The following RGS9 variants were observed in gnomAD, a reference collection of about 807,000 sequenced individuals.
The protein encoded by RGS9 is regulator of G protein signaling 9.
RGS9 carries 78 observed loss-of-function variants against 102.0 expected under a neutral mutation model. That is an observed-to-expected ratio of 0.76 (90% CI 0.64 to 0.92). RGS9 has a LOEUF of 0.92. RGS9 is among the 40% of genes least tolerant of loss of function. RGS9 has a pLI of 0.00. For synonymous variants in RGS9, 353 were observed against 318.6 expected (o/e 1.11, Z -1.15); for missense variants, 833 against 866.1 (o/e 0.96, Z 0.48).
intron 8 of RGS9, among the ~76,000 whole-genome samples, chr17:65,175,747 G>A (rs772493955): frequency 6.6e-6 from 1 of 152,094 alleles, no homozygotes; most frequent in African/African-American, 2.4e-5. Context: ...TCTCTTCCCT[G>A]TGTCGTCTTG....
At position 65,152,080 on chromosome 17, in the gene RGS9, G is replaced by A. The variant is rs184541246; in HGVS notation, c.58-1342G>A. Among the ~76,000 whole-genome samples the A allele has an allele frequency of 3.9e-5, 6 of 152,324 alleles. No individual in the cohort carries two copies. In the East Asian group the frequency reaches 1.2e-3, roughly 29 times the overall value. On this transcript the variant is annotated intron_variant, in intron 1 of 18. Coordinates refer to ENST00000262406, the MANE Select transcript of RGS9 (RefSeq NM_003835.4). The stretch of plus-strand genomic sequence containing the variant: ...CACATGCTCTTGAGAAACGGAGCAG[G>A]GCGTCAGGAGTGCCAAGGGTGGAGT...
At chr17:65,180,638 C>T (rs971566579) in intron 9 of RGS9, among the ~76,000 whole-genome samples, 9 of 152,244 alleles carry the variant, frequency 5.9e-5, no homozygotes, top group African/African-American at 2.2e-4. Flanking sequence ...GCATGAACCA[C>T]TGCGCCTGGC....
intron 7 of RGS9, among the ~76,000 whole-genome samples, chr17:65,164,621 A>G (rs1048091480): frequency 1.3e-5 from 2 of 152,024 alleles, no homozygotes; most frequent in Non-Finnish European, 2.9e-5. Context: ...TTTATGGGAG[A>G]GCTGGTCCGG....
intron 8 of RGS9, among the ~76,000 whole-genome samples, chr17:65,170,889 A>G (rs1025268446): frequency 1.3e-5 from 2 of 152,020 alleles, no homozygotes; most frequent in Admixed American, 1.3e-4. Flanking sequence ...AATTCTCCCC[A>G]TCTCTTGTTG....
At chr17:65,185,823 G>T (rs16960903) in intron 9 of RGS9, among the ~76,000 whole-genome samples, 44,003 of 152,140 alleles carry the variant, frequency 0.29, 9,540 homozygotes, top group African/African-American at 0.61. Flanking sequence ...AGCAAGTATA[G>T]TAAGCCAAAG....
At chr17:65,197,272 A>G in intron 13 of RGS9, 31 bp downstream of exon 13, 1 of 1,409,090 alleles carries the variant, frequency 7.1e-7, no homozygotes, top group Non-Finnish European at 9.9e-7. Flanking sequence ...AAAAATTAAA[A>G]TAACTTACTT....
At chr17:65,171,676 C>T (rs987747363) in intron 8 of RGS9, among the ~76,000 whole-genome samples, 8 of 152,220 alleles carry the variant, frequency 5.3e-5, no homozygotes, top group African/African-American at 1.7e-4. Flanking sequence ...CAAGACCCCA[C>T]GTGGGTGGTG....
chr17:65,212,750 A>G (rs1228529115), intron 17 of RGS9, among the ~76,000 whole-genome samples: 2 of 152,150 alleles, frequency 1.3e-5, no homozygotes, highest in Admixed American at 6.5e-5. Flanking sequence ...ACCAGTTTCC[A>G]CTCTGAAAGT....
chr17:65,169,869 A>C (rs1598581472), intron 8 of RGS9, among the ~76,000 whole-genome samples: 6 of 140,150 alleles, frequency 4.3e-5, no homozygotes, highest in African/African-American at 5.4e-5. Context: ...CCCACCTCCC[A>C]CTCCCTCACC....
In RGS9 at chr17:65,179,277, G is replaced by A. The variant is rs76558076; in HGVS notation, c.654+1474G>A. Among the ~76,000 whole-genome samples, 1,261 of 152,196 alleles carry A rather than the reference G, an allele frequency of 8.3e-3. 17 individuals are homozygous for A. The highest frequency in any genetic ancestry group is 0.029 in the African/African-American group (1,209 of 41,514). On this transcript the variant is annotated intron_variant, in intron 9 of 18. Coordinates refer to ENST00000262406, the MANE Select transcript of RGS9 (RefSeq NM_003835.4). Reference sequence around the variant, plus strand: ...CTTTTGCTCCCTGGAGAGGGTCACCGGGGGAACCATTAGGTCTCTTGTCCA... The same window carrying A: ...CTTTTGCTCCCTGGAGAGGGTCACCAGGGGAACCATTAGGTCTCTTGTCCA...
intron 9 of RGS9, among the ~76,000 whole-genome samples, chr17:65,183,247 T>C (rs1041718103): frequency 2.6e-5 from 4 of 152,164 alleles, no homozygotes; most frequent in Non-Finnish European, 5.9e-5. Context: ...CTTAGCCTAC[T>C]GAGTAGCTGG....
intron 12 of RGS9, among the ~76,000 whole-genome samples, chr17:65,195,146 T>G (rs1912534433): frequency 6.6e-6 from 1 of 152,188 alleles, no homozygotes; most frequent in Non-Finnish European, 1.5e-5. Flanking sequence ...AGAGGCGACC[T>G]GTGTCTGCCT....
Position 65,197,250 on chromosome 17 carries a change from T to C in RGS9, c.976+9T>C, listed in dbSNP as rs201600658. ...CAAGAAAGAATTCAGTGGTGGGTCTTTGTTTACAAAAAAAAATTAAAATAA... is the reference window on the plus strand; with the variant it reads ...CAAGAAAGAATTCAGTGGTGGGTCTCTGTTTACAAAAAAAAATTAAAATAA... On this transcript the variant is annotated intron_variant, in intron 13 of 18. Transcript: ENST00000262406. 27 of 1,551,578 alleles carry C rather than the reference T, an allele frequency of 1.7e-5. No individual in the cohort carries two copies. The highest frequency in any genetic ancestry group is 2.3e-5 in the Non-Finnish European group (26 of 1,125,872).
chr17:65,177,063 A>G, intron 8 of RGS9, among the ~76,000 whole-genome samples: 1 of 135,166 alleles, frequency 7.4e-6, no homozygotes, highest in Admixed American at 7.0e-5. Flanking sequence ...TTGTCCATCC[A>G]TCCATCCATC....
At chr17:65,165,120 T>C (rs759436261) in intron 7 of RGS9, among the ~76,000 whole-genome samples, 25 of 152,148 alleles carry the variant, frequency 1.6e-4, no homozygotes, top group Non-Finnish European at 3.1e-4. Context: ...CCATCCCTTC[T>C]TCCTCCTGTC....
intron 3 of RGS9, among the ~76,000 whole-genome samples, chr17:65,159,547 T>G (rs559282846): frequency 1.1e-4 from 16 of 151,774 alleles, no homozygotes; most frequent in Non-Finnish European, 1.9e-4. Flanking sequence ...GGGAGATGGG[T>G]TGGGTCCTTG....
At chr17:65,178,936 A>C (rs1911749211) in intron 9 of RGS9, among the ~76,000 whole-genome samples, 1 of 152,196 alleles carries the variant, frequency 6.6e-6, no homozygotes, top group African/African-American at 2.4e-5. Flanking sequence ...CTAACAATCA[A>C]AAATGTCTCC....
At position 65,147,587 on chromosome 17, in the gene RGS9, C is replaced by CTT. The variant is rs36062784; in HGVS notation, c.58-5815_58-5814dup. On this transcript the variant is annotated intron_variant, in intron 1 of 18. Coordinates refer to ENST00000262406, the MANE Select transcript of RGS9 (RefSeq NM_003835.4). ...GATCATTCTCTCTCTCTTTTAAAAA[C>CTT]TTTTTTTTTTTTTTTTTTTTTGAGA... is the stretch of plus-strand genomic sequence containing the variant. Among the ~76,000 whole-genome samples, 531 of 103,634 alleles carry CTT rather than the reference C, an allele frequency of 5.1e-3. 14 individuals carry two copies. The highest frequency in any genetic ancestry group is 9.6e-3 in the African/African-American group (204 of 21,172). 68.0% of individuals were successfully genotyped at this position (103,634 alleles called of 152,430 possible).
At chr17:65,225,616 G>A in intron 18 of RGS9, 130 bp downstream of exon 18, 1 of 1,342,708 alleles carries the variant, frequency 7.4e-7, no homozygotes, top group Admixed American at 1.9e-5. Context: ...AGCCCACTCA[G>A]ATCCCTTGGC....
Sources: allele counts gnomAD v4.1 joint callset (sites outside exome capture counted in the v4.1 genomes callset), GRCh38; gene constraint gnomAD v4.1.1; transcripts MANE v1.5; gene names NCBI Gene and HGNC (gene_info 2026-07-23, HGNC 2026-07-21).